The following KPNA4 variants were observed in gnomAD, a reference collection of about 807,000 sequenced individuals.
The protein encoded by KPNA4 is karyopherin subunit alpha 4, also known as importin subunit alpha-3.
KPNA4 carries 13 observed loss-of-function variants against 71.3 expected under a neutral mutation model. The ratio of observed to expected loss-of-function variants is 0.18; its 90% CI spans 0.12 to 0.29. KPNA4 has a LOEUF of 0.29. KPNA4 is among the 10% of genes least tolerant of loss of function. KPNA4 has a pLI of 1.00. For missense variants in KPNA4, 334 were observed against 603.2 expected (o/e 0.55, Z 4.67); for synonymous variants, 189 against 195.2 (o/e 0.97, Z 0.26).
intron 5 of KPNA4, 48 bp downstream of exon 5, chr3:160,535,465 C>A: frequency 1.4e-6 from 2 of 1,400,768 alleles, no homozygotes; most frequent in Admixed American, 1.9e-5. Context: ...AAAATAGAAC[C>A]CCTGTGTAAG....
In KPNA4 at chr3:160,505,059, G is replaced by C. The variant is rs1013182577; in HGVS notation, c.1373-7C>G. ...TGTTCAATTTTCTCCAGCCCTGCAA[G>C]AAATTTTGCAATGTGAAACAATAGT... On this transcript the variant is annotated splice_polypyrimidine_tract_variant and splice_region_variant and intron_variant, in intron 15 of 16. Coordinates refer to ENST00000334256, the MANE Select transcript of KPNA4 (RefSeq NM_002268.5). 1 of 1,473,526 alleles carries C rather than the reference G, an allele frequency of 6.8e-7. No homozygotes were observed. Among genetic ancestry groups the C allele is most frequent in the Admixed American group, 2.1e-5 (1 of 47,708 alleles). 91.3% of individuals were successfully genotyped at this position (1,473,526 alleles called of 1,614,324 possible).
At chr3:160,508,006 A>G in intron 15 of KPNA4, 101 bp downstream of exon 15, 1 of 897,994 alleles carries the variant, frequency 1.1e-6, no homozygotes, top group East Asian at 2.6e-5. Flanking sequence ...TTACTTGAAT[A>G]TCTAAGACAG....
intron 10 of KPNA4, among the ~76,000 whole-genome samples, chr3:160,524,125 T>A (rs1297544315): frequency 6.6e-6 from 1 of 152,182 alleles, no homozygotes; most frequent in Non-Finnish European, 1.5e-5. Context: ...ATATTATTTG[T>A]TAATCATGTT....
In KPNA4 at chr3:160,530,858, A is replaced by C; in HGVS notation, c.466T>G (p.Ser156Ala). 2 of 1,604,512 alleles carry C rather than the reference A, an allele frequency of 1.2e-6. No homozygotes were observed. Among genetic ancestry groups the C allele is most frequent in the Non-Finnish European group, 1.7e-6 (2 of 1,174,152 alleles). Residue 156 changes from serine (S) to alanine (A), a missense_variant, in exon 7 of 17, where the codon TCC (serine) becomes GCC (alanine). Transcript: ENST00000334256. ...TSEQTQAVVQ[S>A]NAVPLFLRLL... ...TGTTTATTAATAACCAACTTACTGG[A>C]CTGAACTACTGCTTGAGTTTGTTCA...
intron 15 of KPNA4, among the ~76,000 whole-genome samples, chr3:160,506,822 CAGTT>C (rs1720992818): frequency 6.6e-6 from 1 of 152,208 alleles, no homozygotes; most frequent in Admixed American, 6.5e-5. Flanking sequence ...CCTAACTCGA[CAGTT>C]ATAGATTTTT....
rs1722313540 is a variant in KPNA4, at chr3:160,564,961, C to G, written c.69+253G>C. The stretch of plus-strand genomic sequence containing the variant: ...CGCGGCCCGGCCCCTCGCACCCGCG[C>G]CGGGCCGGCTCCGCCGGGCAGGCCT... On this transcript the variant is annotated intron_variant, in intron 1 of 16. Transcript: ENST00000334256. 2.0e-5 allele frequency among the ~76,000 whole-genome samples: 3 copies of G among 147,332 alleles called. No homozygotes were observed. In the South Asian group the frequency reaches 6.2e-4, roughly 31 times the overall value.
intron 16 of KPNA4, among the ~76,000 whole-genome samples, chr3:160,503,791 G>C (rs1287716403): frequency 6.6e-6 from 1 of 152,172 alleles, no homozygotes. Context: ...ACTCTTAAAA[G>C]AATATGCCAG....
intron 15 of KPNA4, among the ~76,000 whole-genome samples, chr3:160,506,472 T>C (rs1404650199): frequency 1.3e-5 from 2 of 151,814 alleles, no homozygotes; most frequent in Non-Finnish European, 2.9e-5. Flanking sequence ...TGCCCGGCCA[T>C]AAATACTTTC....
At chr3:160,540,130 G>A (rs111503909) in intron 1 of KPNA4, among the ~76,000 whole-genome samples, 2,708 of 151,346 alleles carry the variant, frequency 0.018, 78 homozygotes, top group African/African-American at 0.061. Context: ...CTCCTGAGTA[G>A]CTGGGACTAC....
At position 160,501,238 on chromosome 3, in the gene KPNA4, A is replaced by G. The variant is rs1720872893; in HGVS notation, c.*866T>C. ...TCCTGAAAAGTTTTCTGACTTGAGAAGCAACTAAAAAAAGGCATACTAGGT... is the reference window on the plus strand; with the variant it reads ...TCCTGAAAAGTTTTCTGACTTGAGAGGCAACTAAAAAAAGGCATACTAGGT... On this transcript the variant is annotated 3_prime_UTR_variant, in exon 17 of 17. Transcript: ENST00000334256. 2 of 152,002 alleles carry G rather than the reference A, an allele frequency of 1.3e-5. No individual in the cohort carries two copies. The highest frequency in any genetic ancestry group is 4.9e-5 in the African/African-American group (2 of 41,186). 9.4% of individuals were successfully genotyped at this position (152,002 alleles called of 1,614,324 possible). A position where few individuals can be genotyped will look rare whatever the true frequency, so the allele number is the denominator to read the frequency against.
intron 6 of KPNA4, 127 bp from the exon 7 acceptor site, chr3:160,531,067 G>T: frequency 1.5e-6 from 1 of 660,496 alleles, no homozygotes; most frequent in Non-Finnish European, 2.6e-6. Flanking sequence ...TATCCATCCA[G>T]CATATTTTTT....
At position 160,530,895 on chromosome 3, in the gene KPNA4, T is replaced by G. The variant is rs1283238713; in HGVS notation, c.429A>C (p.Ala143=). Residue 143 remains alanine, a synonymous_variant, in exon 7 of 17, where the codon GCA becomes GCC. Coordinates refer to ENST00000334256, the MANE Select transcript of KPNA4 (RefSeq NM_002268.5). ...CTTGAGTTTGTTCAGAAGTTCCAGA[T>G]GCAATGTTTGTCAAAGCCCATGCAG... ...FEAAWALTNI[A]SGTSEQTQAV... The G allele has an allele frequency of 6.2e-7, 1 of 1,612,796 alleles. No individual in the cohort carries two copies. Among genetic ancestry groups the G allele is most frequent in the African/African-American group, 1.3e-5 (1 of 74,852 alleles).
intron 1 of KPNA4, among the ~76,000 whole-genome samples, chr3:160,561,531 G>A (rs1270235111): frequency 1.3e-5 from 2 of 151,908 alleles, no homozygotes; most frequent in Non-Finnish European, 2.9e-5. Flanking sequence ...CTTCTTTGGT[G>A]CGTTTGTGTT....
intron 1 of KPNA4, among the ~76,000 whole-genome samples, chr3:160,538,377 G>T (rs1404367577): frequency 6.6e-6 from 1 of 151,960 alleles, no homozygotes; most frequent in South Asian, 2.1e-4. Context: ...TTTATTGGTG[G>T]TAACAGTCAC....
chr3:160,528,895 C>T (rs1721513858), intron 7 of KPNA4, among the ~76,000 whole-genome samples: 1 of 152,184 alleles, frequency 6.6e-6, no homozygotes, highest in Non-Finnish European at 1.5e-5. Flanking sequence ...ATATGTAGCT[C>T]AATCATGCTT....
At chr3:160,507,096 T>C (rs1206104695) in intron 15 of KPNA4, among the ~76,000 whole-genome samples, 4 of 152,332 alleles carry the variant, frequency 2.6e-5, no homozygotes, top group Admixed American at 2.6e-4. Flanking sequence ...ACTCTAAGAC[T>C]TGAAAGCTAA....
intron 1 of KPNA4, among the ~76,000 whole-genome samples, chr3:160,537,435 T>TC (rs1231083139): frequency 6.6e-6 from 1 of 151,918 alleles, no homozygotes; most frequent in African/African-American, 2.4e-5. Context: ...CACCCAATTT[T>TC]CTATGGCACA....
chr3:160,563,668 A>AT (rs570302100), intron 1 of KPNA4, among the ~76,000 whole-genome samples: 4 of 152,066 alleles, frequency 2.6e-5, no homozygotes, highest in African/African-American at 4.8e-5. Flanking sequence ...ATCATTTGTG[A>AT]TTTTTTCTCA....
At chr3:160,547,212 TAAA>T (rs901896687) in intron 1 of KPNA4, among the ~76,000 whole-genome samples, 10 of 152,312 alleles carry the variant, frequency 6.6e-5, no homozygotes, top group Non-Finnish European at 1.3e-4. Flanking sequence ...TTTGAAGAAA[TAAA>T]AATCTTAAAG....
Sources: gnomAD v4.1 joint callset for allele counts (sites outside exome capture counted in the v4.1 genomes callset) on GRCh38, gnomAD v4.1.1 for gene constraint, MANE v1.5 for transcripts, NCBI Gene and HGNC (gene_info 2026-07-23, HGNC 2026-07-21) for gene names.